Variants in THRB observed in about 807,000 individuals in gnomAD.
THRB encodes thyroid hormone receptor beta, also known as nuclear receptor subfamily 1 group A member 2.
THRB carries 12 observed loss-of-function variants against 47.8 expected under a neutral mutation model. That is an observed-to-expected ratio of 0.25 (90% CI 0.16 to 0.41). THRB has a LOEUF of 0.41. Among genes scored for constraint, THRB ranks in the 10% least tolerant of loss-of-function variants. The probability of loss-of-function intolerance (pLI) is 1.00; values close to 1 mark genes in which losing one functional copy is unlikely to be tolerated. For missense variants in THRB, 348 were observed against 589.2 expected (o/e 0.59, Z 4.24); for synonymous variants, 218 against 212.2 (o/e 1.03, Z -0.24).
intron 1 of THRB, among the ~76,000 whole-genome samples, chr3:24,427,745 C>A: frequency 6.6e-6 from 1 of 151,952 alleles, no homozygotes; most frequent in East Asian, 1.9e-4. Context: ...AGTATTAAGA[C>A]AGTTTTAATA....
rs2036148548 is a variant in THRB at position 24,146,659 on chromosome 3, G to A, written c.532+16C>T. On this transcript the variant is annotated intron_variant, in intron 7 of 10. Transcript: ENST00000646209. ...TCAACATTCCTTGAATATGAAGCAAGTGAAGATCTACTTACAATCTGTTGC... is the reference window on the plus strand; with the variant it reads ...TCAACATTCCTTGAATATGAAGCAAATGAAGATCTACTTACAATCTGTTGC... The A allele has an allele frequency of 6.2e-7, 1 of 1,613,816 alleles. No individual in the cohort carries two copies. The highest frequency in any genetic ancestry group is 8.5e-7 in the Non-Finnish European group (1 of 1,179,692).
At chr3:24,389,258 G>A (rs1483341419) in intron 1 of THRB, among the ~76,000 whole-genome samples, 1 of 152,136 alleles carries the variant, frequency 6.6e-6, no homozygotes, top group Non-Finnish European at 1.5e-5. Flanking sequence ...GCAAATCCCT[G>A]GAGAACTTAG....
rs1170788766 is a variant in THRB, at chr3:24,454,341, A to G, written c.-261+40311T>C. ...AATTCATACAGACAGAAAGTAGATT[A>G]GTTGTTGCCCAGAGCTGGAGGAGGG... On this transcript the variant is annotated intron_variant, in intron 1 of 10. Transcript: ENST00000646209. Among the ~76,000 whole-genome samples the G allele has an allele frequency of 5.3e-5, 8 of 152,190 alleles. No individual in the cohort carries two copies. In the East Asian group the frequency reaches 1.5e-3, roughly 29 times the overall value.
intron 4 of THRB, among the ~76,000 whole-genome samples, chr3:24,199,415 C>A (rs2044340914): frequency 6.6e-6 from 1 of 152,204 alleles, no homozygotes; most frequent in East Asian, 1.9e-4. Flanking sequence ...TGAGACTGGG[C>A]TTTTCTGTCC....
chr3:24,246,790 G>C (rs1385554206), intron 3 of THRB, among the ~76,000 whole-genome samples: 1 of 152,088 alleles, frequency 6.6e-6, no homozygotes, highest in Non-Finnish European at 1.5e-5. Context: ...ACCATCTCTA[G>C]AGTCAAGAAA....
At chr3:24,275,577 A>AT (rs2053837297) in intron 3 of THRB, among the ~76,000 whole-genome samples, 1 of 152,164 alleles carries the variant, frequency 6.6e-6, no homozygotes, top group Non-Finnish European at 1.5e-5. Context: ...CACCATCATC[A>AT]TGTCACTGTT....
intron 2 of THRB, among the ~76,000 whole-genome samples, chr3:24,322,155 T>C (rs1298003049): frequency 2.0e-5 from 3 of 152,284 alleles, no homozygotes; most frequent in Middle Eastern, 3.4e-3. Flanking sequence ...AGAAACAAGA[T>C]AAATTTTGAG....
At chr3:24,177,427 T>C (rs1477295148) in intron 5 of THRB, among the ~76,000 whole-genome samples, 1 of 152,188 alleles carries the variant, frequency 6.6e-6, no homozygotes, top group Non-Finnish European at 1.5e-5. Flanking sequence ...ATTCTCAGCA[T>C]ATAGTACAGT....
intron 5 of THRB, among the ~76,000 whole-genome samples, chr3:24,184,509 T>C (rs985664661): frequency 2.0e-5 from 3 of 152,188 alleles, no homozygotes; most frequent in Admixed American, 1.3e-4. Flanking sequence ...CCCTTTGACA[T>C]TGCTGTTTCC....
chr3:24,269,133 T>C (rs763397683), intron 3 of THRB, among the ~76,000 whole-genome samples: 1 of 152,218 alleles, frequency 6.6e-6, no homozygotes, highest in Non-Finnish European at 1.5e-5. Flanking sequence ...TATAAAATGT[T>C]GCCTTCTTTC....
chr3:24,236,551 T>C (rs1007139433), intron 3 of THRB, among the ~76,000 whole-genome samples: 1 of 152,122 alleles, frequency 6.6e-6, no homozygotes, highest in Non-Finnish European at 1.5e-5. Context: ...GGTCTAACTT[T>C]AAGCTTACCT....
chr3:24,436,158 G>A (rs1276777025), intron 1 of THRB, among the ~76,000 whole-genome samples: 1 of 151,990 alleles, frequency 6.6e-6, no homozygotes, highest in Non-Finnish European at 1.5e-5. Context: ...GGCAAGTGCA[G>A]GAAGCTGTGC....
intron 5 of THRB, among the ~76,000 whole-genome samples, chr3:24,158,728 C>T (rs1228366622): frequency 6.6e-6 from 1 of 152,136 alleles, no homozygotes; most frequent in Non-Finnish European, 1.5e-5. Context: ...CTGCTCCCGG[C>T]CTGAGAACAT....
chr3:24,340,926 T>C (rs1475225557), intron 1 of THRB, among the ~76,000 whole-genome samples: 1 of 152,184 alleles, frequency 6.6e-6, no homozygotes, highest in African/African-American at 2.4e-5. Flanking sequence ...ATTATTTGTA[T>C]TTCTTATTGT....
At chr3:24,464,280 G>A (rs1286111368) in intron 1 of THRB, among the ~76,000 whole-genome samples, 1 of 151,722 alleles carries the variant, frequency 6.6e-6, no homozygotes, top group African/African-American at 2.4e-5. Flanking sequence ...AAAATAAATG[G>A]TTGCATTAGT....
At chr3:24,437,111 TA>T (rs2125351110) in intron 1 of THRB, among the ~76,000 whole-genome samples, 1 of 147,102 alleles carries the variant, frequency 6.8e-6, no homozygotes, top group African/African-American at 2.5e-5. Context: ...TATATATATA[TA>T]CATACATATA....
At chr3:24,399,610 T>G (rs548634615) in intron 1 of THRB, among the ~76,000 whole-genome samples, 20 of 152,212 alleles carry the variant, frequency 1.3e-4, no homozygotes. Context: ...GGCACGGGTC[T>G]GTGTAACCCT....
chr3:24,307,863 T>C (rs1313797938), intron 2 of THRB, among the ~76,000 whole-genome samples: 1 of 152,280 alleles, frequency 6.6e-6, no homozygotes, highest in East Asian at 1.9e-4. Context: ...AAAGGTTGCC[T>C]CCAGGAGTTT....
In THRB at chr3:24,465,675, A is replaced by T. The variant is rs1446759828; in HGVS notation, c.-261+28977T>A. ...CACCTTGGCCTCCCAAAGTGCTGGT[A>T]TTACATACTTGAGTCAGCGCACCCG... On this transcript the variant is annotated intron_variant, in intron 1 of 10. Coordinates refer to ENST00000646209, the MANE Select transcript of THRB (RefSeq NM_001354712.2). 2.6e-5 allele frequency among the ~76,000 whole-genome samples: 4 copies of T among 152,260 alleles called. No homozygotes were observed. In the East Asian group the frequency reaches 7.7e-4, roughly 29 times the overall value.
Sources: allele counts gnomAD v4.1 joint callset (sites outside exome capture counted in the v4.1 genomes callset), GRCh38; gene constraint gnomAD v4.1.1; transcripts MANE v1.5; gene names NCBI Gene and HGNC (gene_info 2026-07-23, HGNC 2026-07-21).